DIS3L2: variants seen among roughly 807,000 people sequenced by gnomAD.
The protein encoded by DIS3L2 is DIS3-like exonuclease 2.
A neutral mutation model predicts 97.5 loss-of-function variants in DIS3L2; 34 were observed. That is an observed-to-expected ratio of 0.35 (90% CI 0.27 to 0.46). The LOEUF (loss-of-function observed/expected upper bound fraction) is 0.46. Among genes scored for constraint, DIS3L2 ranks in the 20% least tolerant of loss-of-function variants. DIS3L2 has a pLI of 1.00. For synonymous variants in DIS3L2, 435 were observed against 445.2 expected, an observed-to-expected ratio of 0.98 and a Z score of 0.29; for missense variants, 1,038 against 1,146.0, an observed-to-expected ratio of 0.91 and a Z score of 1.36.
chr2:232,301,033 C>T (rs1051731424), intron 14 of DIS3L2, among the ~76,000 whole-genome samples: 6 of 152,056 alleles, frequency 3.9e-5, no homozygotes, highest in Non-Finnish European at 7.4e-5. Flanking sequence ...AACTGTGCCC[C>T]GATGATGACA....
intron 5 of DIS3L2, among the ~76,000 whole-genome samples, chr2:232,057,824 A>G (rs1695591144): frequency 6.6e-6 from 1 of 152,198 alleles, no homozygotes; most frequent in Non-Finnish European, 1.5e-5. Flanking sequence ...CTGACATACT[A>G]GTGAGACTCT....
chr2:232,237,417 C>T (rs1005218748), intron 10 of DIS3L2, among the ~76,000 whole-genome samples: 1 of 152,066 alleles, frequency 6.6e-6, no homozygotes, highest in Non-Finnish European at 1.5e-5. Context: ...AAAGACAGAC[C>T]GACTGTTGAT....
At chr2:232,294,547 C>T (rs1272857587) in intron 13 of DIS3L2, among the ~76,000 whole-genome samples, 2 of 152,154 alleles carry the variant, frequency 1.3e-5, no homozygotes, top group African/African-American at 4.8e-5. Flanking sequence ...CTACCCAGAC[C>T]CTTGGCTCTC....
At chr2:232,119,560 A>G (rs1209160350) in intron 6 of DIS3L2, among the ~76,000 whole-genome samples, 1 of 152,226 alleles carries the variant, frequency 6.6e-6, no homozygotes, top group African/African-American at 2.4e-5. Flanking sequence ...TTGGGGAGCC[A>G]TCAGACTAAA....
intron 9 of DIS3L2, among the ~76,000 whole-genome samples, chr2:232,183,035 C>T (rs1468161728): frequency 6.6e-6 from 1 of 152,144 alleles, no homozygotes; most frequent in Non-Finnish European, 1.5e-5. Context: ...GCAGTTAAGT[C>T]AAGGGTAGAG....
At chr2:232,057,426 G>A (rs138718790) in intron 5 of DIS3L2, among the ~76,000 whole-genome samples, 245 of 152,204 alleles carry the variant, frequency 1.6e-3, no homozygotes, top group Admixed American at 2.7e-3. Context: ...AGATGTTATT[G>A]AAGTCCCTAA....
intron 1 of DIS3L2, among the ~76,000 whole-genome samples, chr2:231,966,757 A>G (rs1437412664): frequency 7.4e-6 from 1 of 136,032 alleles, no homozygotes; most frequent in Non-Finnish European, 1.5e-5. Context: ...AGCCTCTCAA[A>G]TATTGGAGTT....
chr2:232,051,860 A>G (rs1299103855), intron 5 of DIS3L2, among the ~76,000 whole-genome samples: 4 of 148,750 alleles, frequency 2.7e-5, no homozygotes, highest in African/African-American at 9.8e-5. Flanking sequence ...TGATTGGAAG[A>G]GAAAACAAAG....
At chr2:231,994,771 G>A (rs541535726) in intron 1 of DIS3L2, among the ~76,000 whole-genome samples, 4 of 149,248 alleles carry the variant, frequency 2.7e-5, no homozygotes, top group South Asian at 4.3e-4. Flanking sequence ...AGTTTCTTTC[G>A]CTTGTGTTTA....
intron 9 of DIS3L2, among the ~76,000 whole-genome samples, chr2:232,190,054 C>T (rs958584708): frequency 4.6e-5 from 7 of 152,232 alleles, no homozygotes; most frequent in South Asian, 2.1e-4. Flanking sequence ...GGGCTGAGCA[C>T]GGTGGCTCAA....
At chr2:232,213,062 C>T (rs1282444060) in intron 10 of DIS3L2, among the ~76,000 whole-genome samples, 4 of 152,106 alleles carry the variant, frequency 2.6e-5, no homozygotes. Context: ...TGTGTATAAA[C>T]AAGCTAAATA....
At chr2:232,216,491 A>G (rs1010905244) in intron 10 of DIS3L2, among the ~76,000 whole-genome samples, 2 of 150,696 alleles carry the variant, frequency 1.3e-5, no homozygotes, top group Non-Finnish European at 3.0e-5. Flanking sequence ...CACATGGCTG[A>G]CCTCTCCCTT....
intron 1 of DIS3L2, among the ~76,000 whole-genome samples, chr2:231,972,044 G>C (rs549124487): frequency 6.6e-6 from 1 of 151,688 alleles, no homozygotes; most frequent in Non-Finnish European, 1.5e-5. Flanking sequence ...AATTAGCAGG[G>C]CGTGGTGGTG....
rs147368230 is a variant in DIS3L2 at position 232,334,313 on chromosome 2, A to G, written c.2159-56A>G. On this transcript the variant is annotated intron_variant, in intron 17 of 20. Coordinates refer to ENST00000325385, the MANE Select transcript of DIS3L2 (RefSeq NM_152383.5). ...GCGCCATGCAGCCCATCCCCCAGCC[A>G]TAGCTCTTCCCAGCCCCCCAGGCTC... The G allele has an allele frequency of 1.9e-3, 2,959 of 1,580,612 alleles. 5 individuals carry two copies. The highest frequency in any genetic ancestry group is 2.4e-3 in the Non-Finnish European group (2,741 of 1,162,344).
chr2:232,047,761 T>A (rs1559571098), intron 5 of DIS3L2, among the ~76,000 whole-genome samples: 1 of 152,224 alleles, frequency 6.6e-6, no homozygotes, highest in Non-Finnish European at 1.5e-5. Context: ...ACCACTAATC[T>A]GTTTTCTGTC....
intron 3 of DIS3L2, among the ~76,000 whole-genome samples, chr2:232,018,167 A>G (rs1029307992): frequency 1.3e-5 from 2 of 152,208 alleles, no homozygotes; most frequent in Admixed American, 6.5e-5. Flanking sequence ...AGATAAGGAG[A>G]GGACAGCGAA....
intron 5 of DIS3L2, among the ~76,000 whole-genome samples, chr2:232,048,297 C>G (rs1442895389): frequency 6.6e-6 from 1 of 152,198 alleles, no homozygotes; most frequent in Non-Finnish European, 1.5e-5. Context: ...TTTTCACACG[C>G]AAGTCACCAT....
At chr2:232,116,997 C>T (rs1269155011) in intron 6 of DIS3L2, among the ~76,000 whole-genome samples, 2 of 152,190 alleles carry the variant, frequency 1.3e-5, no homozygotes, top group Non-Finnish European at 2.9e-5. Flanking sequence ...CACATCTCTG[C>T]TCCTCAGCTA....
At chr2:232,086,458 A>G (rs184540465) in intron 5 of DIS3L2, among the ~76,000 whole-genome samples, 5 of 147,944 alleles carry the variant, frequency 3.4e-5, no homozygotes, top group South Asian at 2.1e-4. Context: ...CAGCCTGCAG[A>G]TTGTATAACA....
Sources: allele counts gnomAD v4.1 joint callset (sites outside exome capture counted in the v4.1 genomes callset), GRCh38; gene constraint gnomAD v4.1.1; transcripts MANE v1.5; gene names NCBI Gene and HGNC (gene_info 2026-07-23, HGNC 2026-07-21).